The following RPL13A variants were observed in gnomAD, a reference collection of about 807,000 sequenced individuals.
RPL13A encodes the protein large ribosomal subunit protein uL13.
RPL13A carries 4 observed loss-of-function variants against 30.8 expected under a neutral mutation model. That is an observed-to-expected ratio of 0.13 (90% CI 0.06 to 0.30). RPL13A has a LOEUF of 0.30. RPL13A is among the 10% of genes least tolerant of loss of function. The probability of loss-of-function intolerance (pLI) is 1.00; values close to 1 mark genes in which losing one functional copy is unlikely to be tolerated. For missense variants in RPL13A, 196 were observed against 272.6 expected (o/e 0.72, Z 1.98); for synonymous variants, 108 against 104.2 (o/e 1.04, Z -0.22).
In RPL13A at chr19:49,490,557, C is replaced by G. The variant is rs11539130; in HGVS notation, c.237C>G (p.Ile79Met). The change falls in exon 4 of 8, where the codon ATC (isoleucine) becomes ATG (methionine). Residue 79 changes from isoleucine to methionine, a missense_variant. Coordinates refer to ENST00000391857, the MANE Select transcript of RPL13A (RefSeq NM_012423.4). The part of the protein sequence containing the change: ...GPYHFRAPSR[I>M]FWRTVRGMLP... ...ACCACTTCCGGGCCCCCAGCCGCAT[C>G]TTCTGGCGGACCGTGCGAGGTGAGC... The G allele has an allele frequency of 1.9e-6, 3 of 1,614,084 alleles. No individual in the cohort carries two copies. Among genetic ancestry groups the G allele is most frequent in the Non-Finnish European group, 2.5e-6 (3 of 1,180,054 alleles).
At position 49,489,930 on chromosome 19, in the gene RPL13A, G is replaced by C. The variant is rs1445071812; in HGVS notation, c.88+8G>C. Reference sequence around the variant, plus strand: ...CTAAACAGGTACTGCTGGGTAAGTCGCTGCTCGTGGCCCCTCTGTCATGGG... The same window carrying C: ...CTAAACAGGTACTGCTGGGTAAGTCCCTGCTCGTGGCCCCTCTGTCATGGG... On this transcript the variant is annotated splice_region_variant and intron_variant, in intron 2 of 7. Coordinates refer to ENST00000391857, the MANE Select transcript of RPL13A (RefSeq NM_012423.4). 2.5e-6 allele frequency: 4 copies of C among 1,610,106 alleles called. No homozygotes were observed. Among genetic ancestry groups the C allele is most frequent in the Middle Eastern group, 1.7e-4 (1 of 6,054 alleles).
At chr19:49,489,285 G>C (rs1196245095) in intron 1 of RPL13A, among the ~76,000 whole-genome samples, 1 of 152,080 alleles carries the variant, frequency 6.6e-6, no homozygotes. Flanking sequence ...CACTTGAAGC[G>C]AGGAGTACAA....
intron 1 of RPL13A, 69 bp downstream of exon 1, chr19:49,487,713 C>G (rs1439899708): frequency 7.0e-7 from 1 of 1,422,556 alleles, no homozygotes; most frequent in African/African-American, 1.5e-5. Context: ...GGGTCGCACC[C>G]TCTCTGTCTT....
chr19:49,491,695 C>T, intron 7 of RPL13A, 34 bp from the exon 8 acceptor site: 2 of 1,604,764 alleles, frequency 1.2e-6, no homozygotes, highest in African/African-American at 1.3e-5. Context: ...TGCAACCCCT[C>T]CTGACCACCA....
chr19:49,488,175 C>T (rs563960409), intron 1 of RPL13A, among the ~76,000 whole-genome samples: 2 of 152,272 alleles, frequency 1.3e-5, no homozygotes, highest in South Asian at 4.2e-4. Context: ...GGGTCGAGAG[C>T]TGTTGGCTGC....
At chr19:49,491,316 C>G in intron 6 of RPL13A, 109 bp from the exon 7 acceptor site, 1 of 1,204,864 alleles carries the variant, frequency 8.3e-7, no homozygotes, top group Non-Finnish European at 1.2e-6. Flanking sequence ...TTATGATATG[C>G]CCAGCTGTCA....
chr19:49,491,632 G>A, intron 7 of RPL13A, 85 bp downstream of exon 7: 1 of 1,564,202 alleles, frequency 6.4e-7, no homozygotes, highest in South Asian at 1.2e-5. Flanking sequence ...ACTCTTAACT[G>A]GCAAAGGACC....
intron 7 of RPL13A, 60 bp from the exon 8 acceptor site, chr19:49,491,669 C>A: frequency 6.3e-7 from 1 of 1,585,330 alleles, no homozygotes; most frequent in South Asian, 1.1e-5. Context: ...GGATGCAGTC[C>A]ATGTAATGAG....
At chr19:49,487,940 C>T (rs2079823210) in intron 1 of RPL13A, among the ~76,000 whole-genome samples, 1 of 151,934 alleles carries the variant, frequency 6.6e-6, no homozygotes, top group Non-Finnish European at 1.5e-5. Flanking sequence ...GGTGGGGGCC[C>T]TGGGGTAGAG....
intron 2 of RPL13A, 101 bp downstream of exon 2, chr19:49,490,023 A>T (rs1358765691): frequency 9.2e-7 from 1 of 1,082,712 alleles, no homozygotes; most frequent in East Asian, 2.3e-5. Context: ...CCATGAGATC[A>T]ACCCCATGCA....
intron 1 of RPL13A, among the ~76,000 whole-genome samples, chr19:49,489,001 C>T (rs1415538623): frequency 2.0e-5 from 3 of 152,220 alleles, no homozygotes; most frequent in African/African-American, 7.2e-5. Flanking sequence ...CCCCTGTGCC[C>T]GGCCAGGATT....
At chr19:49,490,333 C>A in intron 3 of RPL13A, 36 bp downstream of exon 3, 2 of 1,607,896 alleles carry the variant, frequency 1.2e-6, no homozygotes, top group South Asian at 1.1e-5. Context: ...TGGAGAGGGT[C>A]TCCCTGTGGG....
At chr19:49,489,032 G>T (rs557571852) in intron 1 of RPL13A, among the ~76,000 whole-genome samples, 1 of 152,220 alleles carries the variant, frequency 6.6e-6, no homozygotes, top group Non-Finnish European at 1.5e-5. Context: ...AGGAAGCTGA[G>T]GTTCGGTGCC....
At chr19:49,490,210 C>G (rs748775972) in intron 2 of RPL13A, 22 bp from the exon 3 acceptor site, 3 of 1,613,558 alleles carry the variant, frequency 1.9e-6, no homozygotes, top group Admixed American at 3.3e-5. Flanking sequence ...CTCGGCCCTG[C>G]TAAGCCTTTC....
chr19:49,491,599 G>A (rs928265686), intron 7 of RPL13A, 52 bp downstream of exon 7: 3 of 1,556,122 alleles, frequency 1.9e-6, no homozygotes, highest in African/African-American at 2.7e-5. Context: ...GGACAGGCCT[G>A]GCAGGTGCCT....
chr19:49,490,198 G>A lies in RPL13A; in HGVS notation c.89-34G>A, dbSNP rs940494633. 8.7e-6 allele frequency: 14 copies of A among 1,607,368 alleles called. No individual in the cohort carries two copies. The Admixed American group carries it at 1.0e-4, about 11-fold the overall frequency. ...ATAGGCAGTGGTGGGACCCTCAGGCGGCTCGGCCCTGCTAAGCCTTTCCCT... is the reference window on the plus strand; with the variant it reads ...ATAGGCAGTGGTGGGACCCTCAGGCAGCTCGGCCCTGCTAAGCCTTTCCCT... On this transcript the variant is annotated intron_variant, in intron 2 of 7. Coordinates refer to ENST00000391857, the MANE Select transcript of RPL13A (RefSeq NM_012423.4).
intron 6 of RPL13A, 144 bp from the exon 7 acceptor site, chr19:49,491,281 A>G (rs1334635954): frequency 1.7e-6 from 2 of 1,149,754 alleles, no homozygotes; most frequent in South Asian, 1.2e-5. Flanking sequence ...GTGCTTTTCT[A>G]ACAGGCCTGC....
intron 2 of RPL13A, 38 bp downstream of exon 2, chr19:49,489,960 C>T (rs1171964536): frequency 1.1e-5 from 16 of 1,487,882 alleles, no homozygotes; most frequent in African/African-American, 5.5e-5. Context: ...CATGGGCCCC[C>T]GCTGGAGGTC....
intron 1 of RPL13A, among the ~76,000 whole-genome samples, chr19:49,489,564 A>G (rs530596673): frequency 1.3e-5 from 2 of 152,292 alleles, no homozygotes; most frequent in South Asian, 2.1e-4. Context: ...TTCAAATCCA[A>G]TTGCTTTGCA....
Sources: gnomAD v4.1 joint callset for allele counts (sites outside exome capture counted in the v4.1 genomes callset) on GRCh38, gnomAD v4.1.1 for gene constraint, MANE v1.5 for transcripts, NCBI Gene and HGNC (gene_info 2026-07-23, HGNC 2026-07-21) for gene names.